HIPK2: variants seen among roughly 807,000 people sequenced by gnomAD.
HIPK2 encodes the protein homeodomain interacting protein kinase 2.
In HIPK2, 27 loss-of-function variants were observed where a neutral mutation model predicts 113.7. That is an observed-to-expected ratio of 0.24 (90% confidence interval 0.17 to 0.33). The LOEUF is 0.33. Among genes scored for constraint, HIPK2 ranks in the 10% least tolerant of loss-of-function variants. HIPK2 has a pLI of 1.00. For missense variants in HIPK2, 1,257 were observed against 1,588.0 expected, an observed-to-expected ratio of 0.79 and a Z score of 3.54; for synonymous variants, 631 against 642.2, an observed-to-expected ratio of 0.98 and a Z score of 0.26.
chr7:139,649,327 C>T (rs1346871877), intron 2 of HIPK2, among the ~76,000 whole-genome samples: 1 of 152,210 alleles, frequency 6.6e-6, no homozygotes, highest in Non-Finnish European at 1.5e-5. Context: ...CCCCAGAGCC[C>T]CGGTGCACAC....
At chr7:139,679,459 T>A (rs769117310) in intron 2 of HIPK2, among the ~76,000 whole-genome samples, 3 of 151,944 alleles carry the variant, frequency 2.0e-5, no homozygotes, top group Non-Finnish European at 4.4e-5. Context: ...GACAGAGAAG[T>A]GTAAATGGGG....
intron 2 of HIPK2, among the ~76,000 whole-genome samples, chr7:139,666,222 C>A (rs998545974): frequency 6.6e-6 from 1 of 151,854 alleles, no homozygotes; most frequent in Admixed American, 6.6e-5. Context: ...AAGAAAAGGT[C>A]AAGAAGAGTG....
chr7:139,695,824 A>G (rs1794548044), intron 2 of HIPK2, among the ~76,000 whole-genome samples: 1 of 152,236 alleles, frequency 6.6e-6, no homozygotes, highest in African/African-American at 2.4e-5. Context: ...ATCCTGTCCC[A>G]CAGCTTAACT....
intron 1 of HIPK2, among the ~76,000 whole-genome samples, chr7:139,755,784 ACGGTGTC>A (rs1796352507): frequency 6.6e-6 from 1 of 152,252 alleles, no homozygotes; most frequent in African/African-American, 2.4e-5. Flanking sequence ...GGGCTTCGGT[ACGGTGTC>A]CTTCCTTAGG....
chr7:139,640,480 G>A lies in HIPK2; in HGVS notation c.1104-8755C>T, dbSNP rs75990778. 6.7e-3 allele frequency among the ~76,000 whole-genome samples: 1,017 copies of A among 152,308 alleles called. 9 individuals carry two copies. The highest frequency in any genetic ancestry group is 9.2e-3 in the Non-Finnish European group (628 of 68,018). On this transcript the variant is annotated intron_variant, in intron 2 of 14. Transcript: ENST00000406875. ...CCCAGCCCTGTCAGGTACTGGTTGT[G>A]TACCTACTTCTGGGTACAGGTATGA...
At chr7:139,584,136 C>T in intron 12 of HIPK2, 72 bp from the exon 13 acceptor site, 1 of 1,526,642 alleles carries the variant, frequency 6.6e-7, no homozygotes, top group Non-Finnish European at 8.8e-7. Context: ...GCACTTCATG[C>T]CCTGGGGCAG....
chr7:139,629,128 G>T, intron 4 of HIPK2, 89 bp from the exon 5 acceptor site: 2 of 1,034,276 alleles, frequency 1.9e-6, no homozygotes, highest in Non-Finnish European at 1.5e-6. Flanking sequence ...TCTCACAGAG[G>T]GTCTCTTTCC....
At position 139,586,068 on chromosome 7, in the gene HIPK2, C is replaced by CG. The variant is rs920356166; in HGVS notation, c.2718-2005_2718-2004insC. ...CAGTTAGAGAGAATAATGGATGTCA[C>CG]AAAGCCTCCGTGATTAACTGTCAGA... On this transcript the variant is annotated intron_variant, in intron 12 of 14. Transcript: ENST00000406875. Among the ~76,000 whole-genome samples, 51 of 152,198 alleles carry CG rather than the reference C, an allele frequency of 3.4e-4. 1 individual carries two copies. Among genetic ancestry groups the CG allele is most frequent in the Admixed American group, 3.1e-3 (48 of 15,284 alleles).
intron 2 of HIPK2, among the ~76,000 whole-genome samples, chr7:139,675,857 T>C (rs999437343): frequency 2.6e-5 from 4 of 152,176 alleles, no homozygotes; most frequent in African/African-American, 9.7e-5. Flanking sequence ...CTCAAAATGA[T>C]GCTCTTTCTT....
In HIPK2 at chr7:139,631,598, C is replaced by T; in HGVS notation, c.1227+4G>A. ...TTGTGAATATCTGTGTCATCTGGAC[C>T]CACCTGATCATACTCCGAAGCTCCT... On this transcript the variant is annotated splice_donor_region_variant and intron_variant, in intron 3 of 14. Transcript: ENST00000406875. The surrounding 1 kb of genome is among the most constrained non-coding windows in gnomAD (Gnocchi z 4.9). 5 of 1,613,186 alleles carry T rather than the reference C, an allele frequency of 3.1e-6. No individual in the cohort carries two copies. Among genetic ancestry groups the T allele is most frequent in the Non-Finnish European group, 3.4e-6 (4 of 1,179,616 alleles).
At chr7:139,651,641 T>C (rs577082202) in intron 2 of HIPK2, among the ~76,000 whole-genome samples, 1 of 152,278 alleles carries the variant, frequency 6.6e-6, no homozygotes, top group Non-Finnish European at 1.5e-5. Context: ...ATGAAACACT[T>C]ACATGAAATC....
At chr7:139,628,176 C>A (rs1800494684) in intron 5 of HIPK2, among the ~76,000 whole-genome samples, 1 of 152,206 alleles carries the variant, frequency 6.6e-6, no homozygotes, top group Non-Finnish European at 1.5e-5. Flanking sequence ...GACACGGATG[C>A]TCTTCCCCTA....
At chr7:139,628,166 G>C (rs1800494190) in intron 5 of HIPK2, among the ~76,000 whole-genome samples, 1 of 152,220 alleles carries the variant, frequency 6.6e-6, no homozygotes, top group South Asian at 2.1e-4. Context: ...CTGGGAGACA[G>C]ACACGGATGC....
Position 139,572,925 on chromosome 7 carries a change from G to A in HIPK2, c.*2C>T. 1 of 1,091,450 alleles carries A rather than the reference G, an allele frequency of 9.2e-7. No homozygotes were observed. Among genetic ancestry groups the A allele is most frequent in the Non-Finnish European group, 1.3e-6 (1 of 796,880 alleles). 67.6% of individuals were successfully genotyped at this position (1,091,450 alleles called of 1,614,324 possible). ...CCTCCCTCCCTCCCTCCCCTCCAGT[G>A]TTTATATGTAAGGGTACTGGTTGAC... On this transcript the variant is annotated 3_prime_UTR_variant, in exon 15 of 15. Transcript: ENST00000406875.
intron 2 of HIPK2, among the ~76,000 whole-genome samples, chr7:139,668,561 G>A (rs1192990974): frequency 2.1e-5 from 3 of 141,338 alleles, no homozygotes; most frequent in African/African-American, 8.0e-5. Flanking sequence ...ACAGAGCAAG[G>A]CTCTGTCTCA....
At chr7:139,728,143 A>G (rs565636192) in intron 1 of HIPK2, among the ~76,000 whole-genome samples, 2 of 151,612 alleles carry the variant, frequency 1.3e-5, no homozygotes, top group African/African-American at 4.8e-5. Context: ...GGGTCTCCCT[A>G]TGTTGTCCAG....
chr7:139,580,922 C>CA (rs1370905446), intron 13 of HIPK2, among the ~76,000 whole-genome samples: 1 of 151,982 alleles, frequency 6.6e-6, no homozygotes, highest in African/African-American at 2.4e-5. Flanking sequence ...AGCTGAGGCT[C>CA]AAAAAAAGGT....
At chr7:139,666,104 A>C (rs1802040220) in intron 2 of HIPK2, among the ~76,000 whole-genome samples, 1 of 152,158 alleles carries the variant, frequency 6.6e-6, no homozygotes, top group Non-Finnish European at 1.5e-5. Context: ...GACACACAAG[A>C]GAAAAGCGTA....
At chr7:139,575,581 A>G (rs1798464681) in intron 13 of HIPK2, among the ~76,000 whole-genome samples, 1 of 152,246 alleles carries the variant, frequency 6.6e-6, no homozygotes, top group South Asian at 2.1e-4. Context: ...GCCTAAGGCC[A>G]GGCCCAGTGC....
Sources: allele counts gnomAD v4.1 joint callset (sites outside exome capture counted in the v4.1 genomes callset), GRCh38; gene constraint gnomAD v4.1.1; non-coding constraint Gnocchi (gnomAD v3.1); transcripts MANE v1.5; gene names NCBI Gene and HGNC (gene_info 2026-07-23, HGNC 2026-07-21).